Variants in NUSAP1 observed in about 807,000 individuals in gnomAD.
NUSAP1 encodes the protein nucleolar and spindle associated protein 1, also known as nucleolar and spindle-associated protein 1.
In NUSAP1, 32 loss-of-function variants were observed where a neutral mutation model predicts 52.8. That is an observed-to-expected ratio of 0.61 (90% CI 0.46 to 0.81). NUSAP1 has a LOEUF of 0.81. Ranked by LOEUF, NUSAP1 falls within the 40% of genes least tolerant of loss-of-function variation. NUSAP1 has a pLI of 0.00. For missense variants in NUSAP1, 499 were observed against 522.3 expected, an observed-to-expected ratio of 0.96 and a Z score of 0.43; for synonymous variants, 195 against 183.1, an observed-to-expected ratio of 1.06 and a Z score of -0.52.
rs770224876 is a variant in NUSAP1 at position 41,380,279 on chromosome 15, G to A, written c.*93G>A. ...TTGCTGTCATCCCCACTTTAGTCAC[G>A]AGATCTTTTTCTGCTAACTGTTCAT... On this transcript the variant is annotated 3_prime_UTR_variant, in exon 11 of 11. Transcript: ENST00000559596. The A allele has an allele frequency of 4.6e-5, 37 of 795,904 alleles. No homozygotes were observed. The highest frequency in any genetic ancestry group is 3.5e-4 in the East Asian group (13 of 36,796). 49.3% of individuals were successfully genotyped at this position (795,904 alleles called of 1,614,324 possible).
Position 41,371,687 on chromosome 15 carries a change from A to T in NUSAP1, c.1006+3A>T. The stretch of plus-strand genomic sequence containing the variant: ...CATCACGGGGAATTCTGCTGCTGGT[A>T]AAAAAAAAAAAAAACAAAAGAAATC... On this transcript the variant is annotated splice_donor_region_variant and intron_variant, in intron 8 of 10. Transcript: ENST00000559596. The T allele has an allele frequency of 2.4e-6, 1 of 421,006 alleles. No individual in the cohort carries two copies. The highest frequency in any genetic ancestry group is 5.4e-5 in the Admixed American group (1 of 18,496). 26.1% of individuals were successfully genotyped at this position (421,006 alleles called of 1,614,324 possible).
intron 6 of NUSAP1, among the ~76,000 whole-genome samples, chr15:41,364,713 C>T (rs565949102): frequency 6.6e-6 from 1 of 151,888 alleles, no homozygotes; most frequent in African/African-American, 2.4e-5. Context: ...ACTAAAAATA[C>T]AAAAATTAGC....
chr15:41,376,461 G>C (rs1200926022), intron 9 of NUSAP1, among the ~76,000 whole-genome samples: 1 of 151,600 alleles, frequency 6.6e-6, no homozygotes, highest in Non-Finnish European at 1.5e-5. Context: ...GCCAAGGCAG[G>C]CGGATCATGA....
intron 7 of NUSAP1, among the ~76,000 whole-genome samples, chr15:41,367,263 C>T (rs965014668): frequency 2.6e-5 from 4 of 152,192 alleles, no homozygotes; most frequent in Non-Finnish European, 5.9e-5. Flanking sequence ...GCCCTAGCCA[C>T]AGGCACATAG....
intron 8 of NUSAP1, among the ~76,000 whole-genome samples, chr15:41,373,428 G>A (rs1485005057): frequency 3.3e-5 from 5 of 149,916 alleles, no homozygotes; most frequent in African/African-American, 7.4e-5. Context: ...TTTTAACTTC[G>A]TGGTGCAAAA....
chr15:41,376,475 CAGG>C (rs1316584689), intron 9 of NUSAP1, among the ~76,000 whole-genome samples: 2 of 149,140 alleles, frequency 1.3e-5, no homozygotes, highest in African/African-American at 2.5e-5. Context: ...ATCATGAGTT[CAGG>C]AGATCGAGAC....
chr15:41,339,957 G>C (rs527829164), intron 1 of NUSAP1, among the ~76,000 whole-genome samples: 6 of 151,240 alleles, frequency 4.0e-5, no homozygotes, highest in African/African-American at 7.3e-5. Context: ...ATTTTTTGCA[G>C]ACATGGGGTT....
chr15:41,368,449 C>T (rs2049509782), intron 7 of NUSAP1, among the ~76,000 whole-genome samples: 1 of 152,282 alleles, frequency 6.6e-6, no homozygotes, highest in Non-Finnish European at 1.5e-5. Context: ...AAAATTAACT[C>T]TTCCTCAAAT....
At chr15:41,336,928 A>G (rs1192067817) in intron 1 of NUSAP1, among the ~76,000 whole-genome samples, 1 of 151,194 alleles carries the variant, frequency 6.6e-6, no homozygotes, top group Admixed American at 6.6e-5. Flanking sequence ...TCATGGGAAA[A>G]TAGATGCAAT....
chr15:41,371,523 T>G lies in NUSAP1; in HGVS notation c.849-4T>G, dbSNP rs200945488. 23 of 1,591,944 alleles carry G rather than the reference T, an allele frequency of 1.4e-5. No homozygotes were observed. Among genetic ancestry groups the G allele is most frequent in the African/African-American group, 6.8e-5 (5 of 73,338 alleles). On this transcript the variant is annotated splice_region_variant and splice_polypyrimidine_tract_variant and intron_variant, in intron 7 of 10. Transcript: ENST00000559596. ...CATGTCTTGTACTCTGCTGTCCTAT[T>G]TAGGTTTTCAGCTGCTACTAAAGAT...
At chr15:41,357,072 A>G (rs1567056872) in intron 5 of NUSAP1, among the ~76,000 whole-genome samples, 1 of 152,150 alleles carries the variant, frequency 6.6e-6, no homozygotes, top group Non-Finnish European at 1.5e-5. Context: ...TAAAGAATTT[A>G]AAAACAAGAA....
Position 41,356,082 on chromosome 15 carries a change from C to A in NUSAP1, c.492C>A (p.Leu164=). The change falls in exon 5 of 11, where the codon CTC becomes CTA. Residue 164 remains leucine, a synonymous_variant. Coordinates refer to ENST00000559596, the MANE Select transcript of NUSAP1 (RefSeq NM_016359.5). The part of the protein sequence containing the change: ...SKVPSEGKKS[L]YTDESSKPGK... ...TACCTTCAGAAGGAAAGAAATCTCT[C>A]TACACAGATGAGTCATCCAAACCTG... 6.2e-7 allele frequency: 1 copy of A among 1,608,716 alleles called. No homozygotes were observed. Among genetic ancestry groups the A allele is most frequent in the Non-Finnish European group, 8.5e-7 (1 of 1,177,204 alleles).
At chr15:41,349,007 AAT>A (rs1175632977) in intron 2 of NUSAP1, 89 bp from the exon 3 acceptor site, 4 of 1,292,900 alleles carry the variant, frequency 3.1e-6, no homozygotes, top group East Asian at 2.4e-5. Context: ...TTGCATATGT[AAT>A]ATGTTTTTTA....
At chr15:41,377,495 C>G (rs921565325) in intron 10 of NUSAP1, among the ~76,000 whole-genome samples, 191 bp downstream of exon 10, 3 of 149,028 alleles carry the variant, frequency 2.0e-5, no homozygotes, top group South Asian at 2.1e-4. Context: ...GTCAGGAGAT[C>G]GAAACCATCC....
intron 4 of NUSAP1, among the ~76,000 whole-genome samples, chr15:41,351,687 T>C (rs1394609793): frequency 1.3e-5 from 2 of 152,122 alleles, no homozygotes; most frequent in African/African-American, 4.8e-5. Flanking sequence ...CTCAGGAGGC[T>C]GAGGTGAAAG....
At chr15:41,356,640 ACT>A (rs1183909629) in intron 5 of NUSAP1, among the ~76,000 whole-genome samples, 2 of 151,986 alleles carry the variant, frequency 1.3e-5, no homozygotes, top group Non-Finnish European at 2.9e-5. Context: ...GGCGTCAGCC[ACT>A]CTGCCTGGCC....
At chr15:41,372,418 TTATC>T (rs2049739186) in intron 8 of NUSAP1, among the ~76,000 whole-genome samples, 1 of 152,204 alleles carries the variant, frequency 6.6e-6, no homozygotes, top group African/African-American at 2.4e-5. Flanking sequence ...ATATGTCAGT[TTATC>T]TATTTTACTA....
chr15:41,360,434 A>C (rs534467682), intron 6 of NUSAP1, among the ~76,000 whole-genome samples: 1 of 152,210 alleles, frequency 6.6e-6, no homozygotes, highest in African/African-American at 2.4e-5. Flanking sequence ...CTCCTGCCTC[A>C]GCCTCCTGAG....
chr15:41,351,273 T>C (rs1350000704), intron 4 of NUSAP1, 144 bp downstream of exon 4: 1 of 787,532 alleles, frequency 1.3e-6, no homozygotes, highest in Non-Finnish European at 1.9e-6. Context: ...TCTTTCATAG[T>C]TCTAGAGGCT....
Sources: gnomAD v4.1 joint callset for allele counts (sites outside exome capture counted in the v4.1 genomes callset) on GRCh38, gnomAD v4.1.1 for gene constraint, MANE v1.5 for transcripts, NCBI Gene and HGNC (gene_info 2026-07-23, HGNC 2026-07-21) for gene names.